The following PRKCZ variants were observed in gnomAD, a reference collection of about 807,000 sequenced individuals.
PRKCZ encodes protein kinase C zeta.
PRKCZ carries 33 observed loss-of-function variants against 79.5 expected under a neutral mutation model. That is an observed-to-expected ratio of 0.41 (90% CI 0.31 to 0.55). The LOEUF is 0.55. PRKCZ is among the 20% of genes least tolerant of loss of function. The probability of loss-of-function intolerance (pLI) is 0.19; values close to 1 mark genes in which losing one functional copy is unlikely to be tolerated. For missense variants in PRKCZ, 578 were observed against 813.5 expected (o/e 0.71, Z 3.52); for synonymous variants, 342 against 320.9 (o/e 1.07, Z -0.70).
chr1:2,108,146 G>A (rs529881517), intron 4 of PRKCZ, among the ~76,000 whole-genome samples: 13 of 152,252 alleles, frequency 8.5e-5, no homozygotes, highest in South Asian at 6.2e-4. Context: ...AAAAGGCATC[G>A]AGGTAAATGC....
intron 5 of PRKCZ, among the ~76,000 whole-genome samples, chr1:2,137,780 C>T (rs1676519893): frequency 6.6e-6 from 1 of 152,188 alleles, no homozygotes; most frequent in South Asian, 2.1e-4. Flanking sequence ...CCCACCACCA[C>T]CAGTGAGCAA....
In PRKCZ at chr1:2,150,972, T is replaced by C. The variant is rs1458591361; in HGVS notation, c.870T>C (p.Asp290=). ...MKVVKKELVH[D]DEDIDWVQTE... is the part of the protein sequence containing the mutation. ...TGGTGAAGAAAGAGCTGGTGCATGA[T>C]GACGAGGTAGGTGCCGCTTCTCATG... Residue 290 remains aspartate (D), a synonymous_variant, in exon 9 of 18, where the codon GAT becomes GAC. Coordinates refer to ENST00000378567, the MANE Select transcript of PRKCZ (RefSeq NM_002744.6). 6.2e-7 allele frequency: 1 copy of C among 1,613,562 alleles called. No individual in the cohort carries two copies. Among genetic ancestry groups the C allele is most frequent in the East Asian group, 2.2e-5 (1 of 44,878 alleles).
At chr1:2,054,637 G>A (rs957313930) in intron 1 of PRKCZ, among the ~76,000 whole-genome samples, 1 of 152,074 alleles carries the variant, frequency 6.6e-6, no homozygotes, top group African/African-American at 2.4e-5. Context: ...CCACTCCGGG[G>A]TCTAAAGAGT....
In PRKCZ at chr1:2,178,822, G is replaced by A. The variant is rs186080633; in HGVS notation, c.1575+3509G>A. 4.9e-3 allele frequency among the ~76,000 whole-genome samples: 744 copies of A among 152,310 alleles called. 3 individuals are homozygous for A. The highest frequency in any genetic ancestry group is 7.8e-3 in the Non-Finnish European group (530 of 68,026). On this transcript the variant is annotated intron_variant, in intron 16 of 17. Transcript: ENST00000378567. This position sits in a 1 kb window ranked among gnomAD's most constrained non-coding sequence, Gnocchi z 4.3. ...CTGTGGACTCAGGGTCTCTTTCACGGACTGCGGGGAAGGCAGTGGGAGCAG... is the reference window on the plus strand; with the variant it reads ...CTGTGGACTCAGGGTCTCTTTCACGAACTGCGGGGAAGGCAGTGGGAGCAG...
intron 7 of PRKCZ, among the ~76,000 whole-genome samples, chr1:2,147,762 C>T (rs1363259590): frequency 2.1e-5 from 3 of 144,538 alleles, no homozygotes; most frequent in African/African-American, 8.2e-5. Context: ...TGTCCACTGA[C>T]CTCTCCATCT....
At chr1:2,110,548 G>A (rs1669522853) in intron 4 of PRKCZ, among the ~76,000 whole-genome samples, 1 of 152,288 alleles carries the variant, frequency 6.6e-6, no homozygotes, top group South Asian at 2.1e-4. Context: ...CCCGAAGAGG[G>A]AAACAGAGAC....
chr1:2,088,132 G>A (rs746324171), intron 4 of PRKCZ, among the ~76,000 whole-genome samples: 1 of 152,166 alleles, frequency 6.6e-6, no homozygotes, highest in African/African-American at 2.4e-5. Flanking sequence ...TTTCCCACTC[G>A]TGTAACTTTA....
chr1:2,147,829 G>A (rs1424420920), intron 7 of PRKCZ, among the ~76,000 whole-genome samples: 2 of 128,662 alleles, frequency 1.6e-5, no homozygotes, highest in Admixed American at 8.1e-5. Flanking sequence ...GTCCACTGAC[G>A]TCTCCATCTG....
chr1:2,098,110 C>CAGATGACCAGGAGTGACTA (rs1666838983), intron 4 of PRKCZ, among the ~76,000 whole-genome samples: 2 of 151,806 alleles, frequency 1.3e-5, no homozygotes, highest in Middle Eastern at 3.4e-3. Context: ...AAGGTCAGAG[C>CAGATGACCAGGAGTGACTA]AGGTGACCAG....
intron 9 of PRKCZ, among the ~76,000 whole-genome samples, chr1:2,151,734 A>G (rs262665): frequency 0.24 from 35,889 of 152,152 alleles, 4,884 homozygotes; most frequent in Admixed American, 0.33. Context: ...ACAGCCCACT[A>G]TAGCCTCAAA....
intron 9 of PRKCZ, among the ~76,000 whole-genome samples, chr1:2,155,789 A>G (rs573059202): frequency 6.7e-6 from 1 of 150,012 alleles, no homozygotes; most frequent in African/African-American, 2.5e-5. Flanking sequence ...GACAGTGACA[A>G]TGATGATGAT....
At chr1:2,091,521 C>T (rs897934562) in intron 4 of PRKCZ, among the ~76,000 whole-genome samples, 19 of 152,272 alleles carry the variant, frequency 1.2e-4, no homozygotes, top group African/African-American at 4.3e-4. Flanking sequence ...TCGCCGTCCT[C>T]GCTGACACTC....
intron 5 of PRKCZ, chr1:2,141,810 A>G (rs1163751244): frequency 1.1e-5 from 2 of 189,122 alleles, no homozygotes; most frequent in Non-Finnish European, 1.1e-5. Flanking sequence ...TTAGAAATGG[A>G]AGCTGGTGTT....
intron 2 of PRKCZ, 95 bp downstream of exon 2, chr1:2,055,657 G>A (rs1037528385): frequency 1.0e-5 from 15 of 1,491,480 alleles, no homozygotes; most frequent in African/African-American, 1.4e-5. Flanking sequence ...AATTCTGTGG[G>A]GAGACTTAAA....
At position 2,050,617 on chromosome 1, in the gene PRKCZ, G is replaced by C; in HGVS notation, c.-14G>C. 1 of 1,218,628 alleles carries C rather than the reference G, an allele frequency of 8.2e-7. No individual in the cohort carries two copies. Among genetic ancestry groups the C allele is most frequent in the Non-Finnish European group, 1.0e-6 (1 of 978,410 alleles). 75.5% of individuals were successfully genotyped at this position (1,218,628 alleles called of 1,614,324 possible). On this transcript the variant is annotated 5_prime_UTR_variant, in exon 1 of 18. Coordinates refer to ENST00000378567, the MANE Select transcript of PRKCZ (RefSeq NM_002744.6). ...CCCGGGGCGCAGCGCTGACGGCGGC[G>C]GGGGGAGCGCGCCATGCCCAGCAGG...
chr1:2,049,323 TGGAG>T (rs1346432816), upstream of PRKCZ: 5 of 150,526 alleles, frequency 3.3e-5, no homozygotes, highest in African/African-American at 1.2e-4. Context: ...GCTCGGTGGG[TGGAG>T]GGAGGGGCAA....
chr1:2,183,542 T>C (rs1453871128), intron 16 of PRKCZ: 1 of 151,804 alleles, frequency 6.6e-6, no homozygotes, highest in Non-Finnish European at 1.5e-5. Context: ...AGCGAGTGAA[T>C]GTCTCTTGGT....
At position 2,147,197 on chromosome 1, in the gene PRKCZ, A is replaced by G. The variant is rs113994328; in HGVS notation, c.634+1089A>G. 2.4e-3 allele frequency among the ~76,000 whole-genome samples: 359 copies of G among 150,488 alleles called. 2 individuals are homozygous for G. The highest frequency in any genetic ancestry group is 8.0e-3 in the African/African-American group (323 of 40,628). ...CACTGACCTCTCCATCCAACCGTCT[A>G]TTGTCCACTGACCTCTCCATCTATC... On this transcript the variant is annotated intron_variant, in intron 7 of 17. Coordinates refer to ENST00000378567, the MANE Select transcript of PRKCZ (RefSeq NM_002744.6).
rs1280451407 is a variant in PRKCZ at position 2,125,207 on chromosome 1, A to G, written c.335-10055A>G. Among the ~76,000 whole-genome samples the G allele has an allele frequency of 6.6e-6, 1 of 152,180 alleles. No individual in the cohort carries two copies. The highest frequency in any genetic ancestry group is 1.5e-5 in the Non-Finnish European group (1 of 68,040). ...TGAATCCAGAAAAAAAATTTCTTACATAGAAAGGAGCGGTATTTGGTATGA... is the reference window on the plus strand; with the variant it reads ...TGAATCCAGAAAAAAAATTTCTTACGTAGAAAGGAGCGGTATTTGGTATGA... On this transcript the variant is annotated intron_variant, in intron 4 of 17. Transcript: ENST00000378567. This position sits in a 1 kb window ranked among gnomAD's most constrained non-coding sequence, Gnocchi z 4.2.
Sources: allele counts gnomAD v4.1 joint callset (sites outside exome capture counted in the v4.1 genomes callset), GRCh38; gene constraint gnomAD v4.1.1; non-coding constraint Gnocchi (gnomAD v3.1); transcripts MANE v1.5; gene names NCBI Gene and HGNC (gene_info 2026-07-23, HGNC 2026-07-21).